GPHN: variants seen among roughly 807,000 people sequenced by gnomAD.
GPHN encodes the protein gephyrin.
GPHN carries 17 observed loss-of-function variants against 95.5 expected under a neutral mutation model. That is an observed-to-expected ratio of 0.18 (90% CI 0.12 to 0.27). The LOEUF (loss-of-function observed/expected upper bound fraction) is 0.27, where lower values mean the gene tolerates loss of function less well. Among genes scored for constraint, GPHN ranks in the 10% least tolerant of loss-of-function variants. GPHN has a pLI of 1.00. For missense variants in GPHN, 660 were observed against 978.1 expected, an observed-to-expected ratio of 0.67 and a Z score of 4.34; for synonymous variants, 320 against 322.5, an observed-to-expected ratio of 0.99 and a Z score of 0.08.
chr14:66,617,040 C>G (rs117752024), intron 1 of GPHN, among the ~76,000 whole-genome samples: 1,839 of 152,264 alleles, frequency 0.012, 20 homozygotes, highest in Non-Finnish European at 0.018. Context: ...AGCACTTTGA[C>G]TGTCCATTGG....
the GPHN span, among the ~76,000 whole-genome samples, chr14:67,423,569 G>A: frequency 6.6e-6 from 1 of 152,162 alleles, no homozygotes; most frequent in Non-Finnish European, 1.5e-5. Context: ...GCATCAGGGT[G>A]CTCATAGCAT....
chr14:67,636,878 T>G, the GPHN span, among the ~76,000 whole-genome samples: 2 of 152,196 alleles, frequency 1.3e-5, no homozygotes, highest in African/African-American at 2.4e-5. Flanking sequence ...AATGTCCTCT[T>G]AGAAGAAAGA....
chr14:67,043,379 G>A (rs1456684655), intron 10 of GPHN, among the ~76,000 whole-genome samples: 2 of 152,120 alleles, frequency 1.3e-5, no homozygotes, highest in Non-Finnish European at 2.9e-5. Context: ...GTCATAAATA[G>A]CTCTTGTTAT....
intron 3 of GPHN, among the ~76,000 whole-genome samples, chr14:66,796,103 G>A (rs2060148272): frequency 1.3e-5 from 2 of 151,912 alleles, no homozygotes; most frequent in Non-Finnish European, 1.5e-5. Flanking sequence ...TCTGTGCCTC[G>A]CTTATTTCAC....
the GPHN span, among the ~76,000 whole-genome samples, chr14:67,497,491 G>T: frequency 6.6e-6 from 1 of 152,140 alleles, no homozygotes; most frequent in African/African-American, 2.4e-5. Context: ...CTTACAAGTG[G>T]ACACCTGGAA....
chr14:66,687,572 T>C (rs2067469369), intron 2 of GPHN, among the ~76,000 whole-genome samples: 1 of 140,102 alleles, frequency 7.1e-6, no homozygotes, highest in African/African-American at 2.6e-5. Context: ...CACCGCAACC[T>C]CTCGCCTCCT....
the GPHN span, among the ~76,000 whole-genome samples, chr14:67,421,103 C>T: frequency 1.6e-4 from 25 of 152,220 alleles, no homozygotes; most frequent in Middle Eastern, 6.8e-3. Context: ...TTTTTTAGTC[C>T]TGGTGCAAAA....
the GPHN span, chr14:67,364,584 G>C: frequency 1.8e-6 from 1 of 555,034 alleles, no homozygotes; most frequent in South Asian, 2.7e-5. Flanking sequence ...AAAAATTAAA[G>C]CTTGGTTCCT....
downstream of GPHN, among the ~76,000 whole-genome samples, chr14:67,186,123 T>C (rs1484745465): frequency 6.6e-6 from 1 of 152,112 alleles, no homozygotes; most frequent in East Asian, 1.9e-4. Context: ...TTGAAATAAT[T>C]CATTTTATTT....
At chr14:67,478,593 A>G in the GPHN span, among the ~76,000 whole-genome samples, 1 of 152,296 alleles carries the variant, frequency 6.6e-6, no homozygotes, top group South Asian at 2.1e-4. Context: ...TTCAACATCT[A>G]CAGAGTAAAT....
intron 10 of GPHN, among the ~76,000 whole-genome samples, chr14:67,045,781 C>A (rs151192304): frequency 6.6e-6 from 1 of 151,876 alleles, no homozygotes; most frequent in African/African-American, 2.4e-5. Flanking sequence ...GTCACTGTCT[C>A]TCTCTCTGTG....
At chr14:66,936,280 G>A (rs745763520) in intron 8 of GPHN, among the ~76,000 whole-genome samples, 11 of 152,116 alleles carry the variant, frequency 7.2e-5, no homozygotes, top group Non-Finnish European at 1.3e-4. Context: ...TCGGGAGGCT[G>A]AGGCAGGAGA....
At chr14:67,586,268 A>C in the GPHN span, 3 of 1,087,008 alleles carry the variant, frequency 2.8e-6, no homozygotes, top group Middle Eastern at 2.0e-4. Flanking sequence ...GCATCTCCGT[A>C]TCAATGTTCA....
chr14:67,571,749 CAG>C, the GPHN span: 3 of 1,612,140 alleles, frequency 1.9e-6, no homozygotes. Flanking sequence ...GCCTGTCTTG[CAG>C]AGAGCTACAC....
At chr14:67,480,597 G>A in the GPHN span, among the ~76,000 whole-genome samples, 1 of 152,148 alleles carries the variant, frequency 6.6e-6, no homozygotes, top group Non-Finnish European at 1.5e-5. Flanking sequence ...TGAGACAGAT[G>A]GCACAGCACA....
intron 1 of GPHN, among the ~76,000 whole-genome samples, chr14:66,660,250 G>A (rs1192402923): frequency 6.6e-6 from 1 of 152,142 alleles, no homozygotes; most frequent in Non-Finnish European, 1.5e-5. Context: ...CAGTGAGTCT[G>A]TGAGAGTCTA....
intron 5 of GPHN, among the ~76,000 whole-genome samples, chr14:66,910,055 A>C (rs1219554969): frequency 6.6e-6 from 1 of 151,940 alleles, no homozygotes; most frequent in East Asian, 1.9e-4. Context: ...TAAATGTCTA[A>C]CTGGTGAAGA....
At chr14:67,445,574 A>ATTTTTTTTTTTTTT in the GPHN span, among the ~76,000 whole-genome samples, 1 of 98,676 alleles carries the variant, frequency 1.0e-5, no homozygotes, top group African/African-American at 4.6e-5. Flanking sequence ...AAGAGAGGCA[A>ATTTTTTTTTTTTTT]TTCTTTTTTT....
chr14:66,752,544 A>T (rs1469140932), intron 2 of GPHN, among the ~76,000 whole-genome samples: 1 of 152,092 alleles, frequency 6.6e-6, no homozygotes, highest in Admixed American at 6.6e-5. Flanking sequence ...CAGAACACAC[A>T]CATTTACTGA....
Sources: allele counts gnomAD v4.1 joint callset (sites outside exome capture counted in the v4.1 genomes callset), GRCh38; gene constraint gnomAD v4.1.1; transcripts MANE v1.5; gene names NCBI Gene and HGNC (gene_info 2026-07-23, HGNC 2026-07-21).